PCDHGA9: variants seen among roughly 807,000 people sequenced by gnomAD.
PCDHGA9 encodes protocadherin gamma-A9.
A neutral mutation model predicts 62.5 loss-of-function variants in PCDHGA9; 37 were observed. The ratio of observed to expected loss-of-function variants is 0.59; its 90% CI spans 0.46 to 0.78. The LOEUF (loss-of-function observed/expected upper bound fraction) is 0.78. Among genes scored for constraint, PCDHGA9 ranks in the 30% least tolerant of loss-of-function variants. PCDHGA9 has a pLI of 0.00. For missense variants in PCDHGA9, 1,138 were observed against 1,166.2 expected (o/e 0.98, Z 0.35); for synonymous variants, 459 against 484.6 (o/e 0.95, Z 0.69).
intron 2 of PCDHGA9, among the ~76,000 whole-genome samples, chr5:141,497,132 G>T (rs2099774325): frequency 6.6e-6 from 1 of 152,046 alleles, no homozygotes; most frequent in Non-Finnish European, 1.5e-5. Context: ...GTTGCAGTGA[G>T]CTGAGATCAC....
At chr5:141,504,502 G>A (rs2099838821) in intron 2 of PCDHGA9, among the ~76,000 whole-genome samples, 1 of 152,128 alleles carries the variant, frequency 6.6e-6, no homozygotes, top group Non-Finnish European at 1.5e-5. Context: ...CCCAGTCTGA[G>A]TGGATCTCCT....
At chr5:141,454,964 C>T (rs1283179107) in intron 1 of PCDHGA9, among the ~76,000 whole-genome samples, 10 of 151,622 alleles carry the variant, frequency 6.6e-5, no homozygotes, top group African/African-American at 2.4e-4. Flanking sequence ...CCGGCCACCA[C>T]GCCTGGCTAA....
intron 1 of PCDHGA9, among the ~76,000 whole-genome samples, chr5:141,482,652 G>C (rs1276348234): frequency 6.6e-6 from 1 of 152,074 alleles, no homozygotes; most frequent in African/African-American, 2.4e-5. Flanking sequence ...GGTGATGCTT[G>C]AGCTATGATC....
At chr5:141,451,653 G>A (rs1440576814) in intron 1 of PCDHGA9, among the ~76,000 whole-genome samples, 2 of 152,166 alleles carry the variant, frequency 1.3e-5, no homozygotes, top group Non-Finnish European at 2.9e-5. Context: ...AGGCCAAGGA[G>A]GGTGGACTGC....
intron 1 of PCDHGA9, chr5:141,423,349 T>A (rs2096733716): frequency 6.2e-7 from 1 of 1,614,196 alleles, no homozygotes; most frequent in East Asian, 2.2e-5. Context: ...CTTCCTGGTC[T>A]TTGTCATCGT....
At chr5:141,506,910 G>C (rs1165112258) in intron 3 of PCDHGA9, among the ~76,000 whole-genome samples, 1 of 152,082 alleles carries the variant, frequency 6.6e-6, no homozygotes, top group Admixed American at 6.5e-5. Context: ...ATCACACCTG[G>C]GCACATACTA....
chr5:141,491,800 C>T lies in PCDHGA9; in HGVS notation c.2425-3007C>T. The T allele has an allele frequency of 6.7e-7, 1 of 1,500,854 alleles. No individual in the cohort carries two copies. Among genetic ancestry groups the T allele is most frequent in the Non-Finnish European group, 8.9e-7 (1 of 1,125,316 alleles). 93.0% of individuals were successfully genotyped at this position (1,500,854 alleles called of 1,614,324 possible). A position where few individuals can be genotyped will look rare whatever the true frequency, so the allele number is the denominator to read the frequency against. Reference sequence around the variant, plus strand: ...GAACTTGCATCCACTCCTCTCCGGCCGGCTTGGTCGCTGGCTGCGCTCCAC... The same window carrying T: ...GAACTTGCATCCACTCCTCTCCGGCTGGCTTGGTCGCTGGCTGCGCTCCAC... On this transcript the variant is annotated intron_variant, in intron 1 of 3. Transcript: ENST00000573521. The surrounding 1 kb of genome is among the most constrained non-coding windows in gnomAD (Gnocchi z 6.9).
chr5:141,478,497 C>A (rs746475685), intron 1 of PCDHGA9: 2 of 1,612,820 alleles, frequency 1.2e-6, no homozygotes, highest in Non-Finnish European at 1.7e-6. Context: ...AGCTGTGATC[C>A]GGTGTTCTAT....
At chr5:141,456,306 G>C (rs937409031) in intron 1 of PCDHGA9, among the ~76,000 whole-genome samples, 1 of 152,158 alleles carries the variant, frequency 6.6e-6, no homozygotes, top group Non-Finnish European at 1.5e-5. Context: ...GAGAACAGCA[G>C]CTAGGGCTCC....
intron 1 of PCDHGA9, among the ~76,000 whole-genome samples, chr5:141,406,174 G>T (rs990967391): frequency 6.6e-6 from 1 of 151,264 alleles, no homozygotes; most frequent in African/African-American, 2.4e-5. Context: ...CTGGGCTTAT[G>T]CAATCCTCCC....
chr5:141,445,272 T>C (rs1057201147), intron 1 of PCDHGA9, among the ~76,000 whole-genome samples: 1 of 152,236 alleles, frequency 6.6e-6, no homozygotes, highest in Non-Finnish European at 1.5e-5. Flanking sequence ...TCGAAACCAC[T>C]CTGCATAAGT....
chr5:141,491,857 G>A lies in PCDHGA9; in HGVS notation c.2425-2950G>A. Reference sequence around the variant, plus strand: ...CTCGGGATCATTGGACCGTTTGCGCGAAACCAGAGTGGCCGATTAAGGGAT... The same window carrying A: ...CTCGGGATCATTGGACCGTTTGCGCAAAACCAGAGTGGCCGATTAAGGGAT... On this transcript the variant is annotated intron_variant, in intron 1 of 3. Transcript: ENST00000573521. This position sits in a 1 kb window ranked among gnomAD's most constrained non-coding sequence, Gnocchi z 6.9. The A allele has an allele frequency of 6.9e-7, 1 of 1,457,470 alleles. No homozygotes were observed. The highest frequency in any genetic ancestry group is 1.5e-5 in the South Asian group (1 of 68,508). The allele number at this position is 1,457,470 out of a possible 1,614,324, so 90.3% of individuals were successfully genotyped here. A position where few individuals can be genotyped will look rare whatever the true frequency, so the allele number is the denominator to read the frequency against.
rs1554116873 is a variant in PCDHGA9 at position 141,423,758 on chromosome 5, G to GT, written c.2424+18382_2424+18383insT. On this transcript the variant is annotated intron_variant, in intron 1 of 3. Coordinates refer to ENST00000573521, the MANE Select transcript of PCDHGA9 (RefSeq NM_018921.3). Reference sequence around the variant, plus strand: ...CTGTTATGAAAACTGTTTGGGGGGGGGGTGGGGCGGCATATATTTAGTTCA... The same window carrying GT: ...CTGTTATGAAAACTGTTTGGGGGGGGTGGTGGGGCGGCATATATTTAGTTCA... 14 of 366,842 alleles carry GT rather than the reference G, an allele frequency of 3.8e-5. 1 individual carries two copies. The highest frequency in any genetic ancestry group is 5.4e-5 in the Non-Finnish European group (14 of 259,742). The allele number at this position is 366,842 out of a possible 1,614,324, so 22.7% of individuals were successfully genotyped here. A position where few individuals can be genotyped will look rare whatever the true frequency, so the allele number is the denominator to read the frequency against.
rs1394484191 is a variant in PCDHGA9 at position 141,486,006 on chromosome 5, C to T, written c.2425-8801C>T. The T allele has an allele frequency of 6.2e-7, 1 of 1,614,190 alleles. No individual in the cohort carries two copies. Among genetic ancestry groups the T allele is most frequent in the Non-Finnish European group, 8.5e-7 (1 of 1,180,026 alleles). Reference sequence around the variant, plus strand: ...GACCTGGGTCCCAGTGGTAACGTCACCTTTTATTTCAGTGGTCATACCCCT... The same window carrying T: ...GACCTGGGTCCCAGTGGTAACGTCATCTTTTATTTCAGTGGTCATACCCCT... On this transcript the variant is annotated intron_variant, in intron 1 of 3. Coordinates refer to ENST00000573521, the MANE Select transcript of PCDHGA9 (RefSeq NM_018921.3). This position sits in a 1 kb window ranked among gnomAD's most constrained non-coding sequence, Gnocchi z 5.0.
Position 141,486,775 on chromosome 5 carries a change from G to A in PCDHGA9, c.2425-8032G>A, listed in dbSNP as rs2099634725. On this transcript the variant is annotated intron_variant, in intron 1 of 3. Coordinates refer to ENST00000573521, the MANE Select transcript of PCDHGA9 (RefSeq NM_018921.3). This position sits in a 1 kb window ranked among gnomAD's most constrained non-coding sequence, Gnocchi z 5.0. ...AGCAAACCCAGACACTGCAGTTTGA[G>A]GTGCAGGCCCGGGATCGGGGCAACC... 7 of 1,614,122 alleles carry A rather than the reference G, an allele frequency of 4.3e-6. No individual in the cohort carries two copies. Among genetic ancestry groups the A allele is most frequent in the Non-Finnish European group, 5.9e-6 (7 of 1,180,060 alleles).
At position 141,454,796 on chromosome 5, in the gene PCDHGA9, A is replaced by ATT. The variant is rs61612330; in HGVS notation, c.2425-39983_2425-39982dup. On this transcript the variant is annotated intron_variant, in intron 1 of 3. Coordinates refer to ENST00000573521, the MANE Select transcript of PCDHGA9 (RefSeq NM_018921.3). Reference sequence around the variant, plus strand: ...AAGGAAATAATCCTCCATGGTTCTAATTTTTTTTTTTTTTTTTTTTTTTTT... The same window carrying ATT: ...AAGGAAATAATCCTCCATGGTTCTAATTTTTTTTTTTTTTTTTTTTTTTTTTT... 6.7e-3 allele frequency among the ~76,000 whole-genome samples: 521 copies of ATT among 77,456 alleles called. 71 individuals are homozygous for ATT. The highest frequency in any genetic ancestry group is 0.017 in the Middle Eastern group (2 of 120). The allele number at this position is 77,456 out of a possible 152,430, so 50.8% of individuals were successfully genotyped here.
rs1027897777 is a variant in PCDHGA9, at chr5:141,510,812, C to T, written c.2573-135C>T. 151 of 1,531,674 alleles carry T rather than the reference C, an allele frequency of 9.9e-5. 1 individual carries two copies. The highest frequency in any genetic ancestry group is 2.5e-5 in the South Asian group (2 of 80,152). 94.9% of individuals were successfully genotyped at this position (1,531,674 alleles called of 1,614,324 possible). A position where few individuals can be genotyped will look rare whatever the true frequency, so the allele number is the denominator to read the frequency against. On this transcript the variant is annotated intron_variant, in intron 3 of 3. Coordinates refer to ENST00000573521, the MANE Select transcript of PCDHGA9 (RefSeq NM_018921.3). ...TGTGAAGAGAGACTACCTTGGTGAC[C>T]CCTATATTCCCAGTGCTCAGCGTGG...
At position 141,491,067 on chromosome 5, in the gene PCDHGA9, G is replaced by T. The variant is rs752758445; in HGVS notation, c.2425-3740G>T. On this transcript the variant is annotated intron_variant, in intron 1 of 3. Transcript: ENST00000573521. The surrounding 1 kb of genome is among the most constrained non-coding windows in gnomAD (Gnocchi z 6.9). Reference sequence around the variant, plus strand: ...ACAATGCGTGGCTCTCCTACTCACTGTTGCCACAGTCCACAGCCCCAGGAC... The same window carrying T: ...ACAATGCGTGGCTCTCCTACTCACTTTTGCCACAGTCCACAGCCCCAGGAC... 1.2e-6 allele frequency: 2 copies of T among 1,614,200 alleles called. No homozygotes were observed. The highest frequency in any genetic ancestry group is 1.7e-6 in the Non-Finnish European group (2 of 1,180,040).
At chr5:141,408,329 A>C (rs2095085203) in intron 1 of PCDHGA9, 1 of 1,613,580 alleles carries the variant, frequency 6.2e-7, no homozygotes, top group Non-Finnish European at 8.5e-7. Context: ...GGAGCTGGCC[A>C]AGGGCTCGGT....
Sources: gnomAD v4.1 joint callset for allele counts (sites outside exome capture counted in the v4.1 genomes callset) on GRCh38, gnomAD v4.1.1 for gene constraint, Gnocchi (gnomAD v3.1) non-coding constraint, MANE v1.5 for transcripts, NCBI Gene and HGNC (gene_info 2026-07-23, HGNC 2026-07-21) for gene names.